SAMD12: variants seen among roughly 807,000 people sequenced by gnomAD.
The protein encoded by SAMD12 is sterile alpha motif domain-containing protein 12.
Under a neutral mutation model 15.0 loss-of-function variants are expected in SAMD12, and 9 were observed. That is an observed-to-expected ratio of 0.60 (90% confidence interval 0.36 to 1.05). The LOEUF (loss-of-function observed/expected upper bound fraction) is 1.05, where lower values mean the gene tolerates loss of function less well. Ranked by LOEUF, SAMD12 falls within the 50% of genes least tolerant of loss-of-function variation. The pLI is 0.01. For synonymous variants in SAMD12, 86 were observed against 90.1 expected, an observed-to-expected ratio of 0.96 and a Z score of 0.25; for missense variants, 230 against 234.2, an observed-to-expected ratio of 0.98 and a Z score of 0.12.
chr8:118,546,454 G>A (rs1826127695), intron 2 of SAMD12, among the ~76,000 whole-genome samples: 1 of 152,090 alleles, frequency 6.6e-6, no homozygotes, highest in Non-Finnish European at 1.5e-5. Flanking sequence ...CCCACCGGGA[G>A]GGGAGGCAAA....
rs3052764 is a variant in SAMD12, at chr8:118,256,779, TACACACACAC to T, written c.434-59057_434-59048del. Among the ~76,000 whole-genome samples the T allele has an allele frequency of 5.7e-3, 800 of 139,876 alleles. 5 individuals carry two copies. The highest frequency in any genetic ancestry group is 0.022 in the East Asian group (107 of 4,782). 91.8% of individuals were successfully genotyped at this position (139,876 alleles called of 152,430 possible). A position where few individuals can be genotyped will look rare whatever the true frequency, so the allele number is the denominator to read the frequency against. ...CTTAATGTAATATATCTGCATAAGATACACACACACACACACACACACACACACACACACA... is the reference window on the plus strand; with the variant it reads ...CTTAATGTAATATATCTGCATAAGATACACACACACACACACACACACACA... On this transcript the variant is annotated intron_variant, in intron 4 of 4. Transcript: ENST00000409003.
At chr8:118,414,016 C>T (rs1222246369) in intron 3 of SAMD12, among the ~76,000 whole-genome samples, 1 of 152,130 alleles carries the variant, frequency 6.6e-6, no homozygotes, top group Non-Finnish European at 1.5e-5. Context: ...CAATTGCTGT[C>T]AGGCTTGACT....
At chr8:118,412,422 T>C (rs1465252332) in intron 3 of SAMD12, among the ~76,000 whole-genome samples, 1 of 152,184 alleles carries the variant, frequency 6.6e-6, no homozygotes, top group Non-Finnish European at 1.5e-5. Context: ...GAGCTAAGAA[T>C]AACTTATACA....
At chr8:118,551,506 C>G (rs1389761204) in intron 2 of SAMD12, among the ~76,000 whole-genome samples, 1 of 151,976 alleles carries the variant, frequency 6.6e-6, no homozygotes, top group Non-Finnish European at 1.5e-5. Flanking sequence ...ATACCAGAAT[C>G]TCTGGGACAC....
chr8:118,541,019 T>A (rs535666588), intron 2 of SAMD12, among the ~76,000 whole-genome samples: 1 of 152,286 alleles, frequency 6.6e-6, no homozygotes, highest in Non-Finnish European at 1.5e-5. Context: ...ACTGGCAGAA[T>A]TGCGTAAACC....
In SAMD12 at chr8:118,599,832, G is replaced by A. The variant is rs532541178; in HGVS notation, c.14-18939C>T. 2.0e-5 allele frequency among the ~76,000 whole-genome samples: 3 copies of A among 152,280 alleles called. No individual in the cohort carries two copies. The East Asian group carries it at 5.8e-4, about 29-fold the overall frequency. On this transcript the variant is annotated intron_variant, in intron 1 of 3. Coordinates refer to ENST00000314727, the MANE Select transcript of SAMD12 (RefSeq NM_207506.3). ...CCTGGAAAAACCTGAGGCAGGAACT[G>A]CTACAGCAATCTAGACCTCTCAAGA...
chr8:118,484,739 T>A (rs1350155737), intron 2 of SAMD12, among the ~76,000 whole-genome samples: 1 of 151,944 alleles, frequency 6.6e-6, no homozygotes, highest in Non-Finnish European at 1.5e-5. Flanking sequence ...AGCACATTTC[T>A]GTCAACTCTT....
intron 3 of SAMD12, among the ~76,000 whole-genome samples, chr8:118,433,558 T>C (rs1210980955): frequency 6.6e-6 from 1 of 152,174 alleles, no homozygotes; most frequent in Non-Finnish European, 1.5e-5. Flanking sequence ...AATTCATGTA[T>C]ATTAAAGTTA....
intron 2 of SAMD12, among the ~76,000 whole-genome samples, chr8:118,464,488 G>C (rs919731487): frequency 6.6e-6 from 1 of 152,162 alleles, no homozygotes; most frequent in Non-Finnish European, 1.5e-5. Context: ...CAACTAAAGA[G>C]AGCTATTTAT....
intron 2 of SAMD12, among the ~76,000 whole-genome samples, chr8:118,542,722 G>C (rs1826019782): frequency 6.6e-6 from 1 of 152,236 alleles, no homozygotes; most frequent in Non-Finnish European, 1.5e-5. Flanking sequence ...TAAGCTGCCT[G>C]TAAATACCAT....
At chr8:118,333,930 CTGTG>C (rs4053435) in intron 4 of SAMD12, among the ~76,000 whole-genome samples, 20 of 104,562 alleles carry the variant, frequency 1.9e-4, no homozygotes, top group East Asian at 5.6e-4. Context: ...GGGGGTATGT[CTGTG>C]TGTGTGTGTG....
chr8:118,473,610 TTC>T (rs1198650260), intron 2 of SAMD12, among the ~76,000 whole-genome samples: 3 of 152,176 alleles, frequency 2.0e-5, no homozygotes, highest in Non-Finnish European at 2.9e-5. Flanking sequence ...ACCTTTTGTG[TTC>T]TTTTTCCTCC....
At chr8:118,398,121 C>G (rs966997560) in intron 3 of SAMD12, among the ~76,000 whole-genome samples, 1 of 152,120 alleles carries the variant, frequency 6.6e-6, no homozygotes, top group African/African-American at 2.4e-5. Context: ...ATGACTATTG[C>G]CCAGGTGTGG....
At chr8:118,288,751 A>G (rs1353918207) in intron 4 of SAMD12, among the ~76,000 whole-genome samples, 2 of 152,328 alleles carry the variant, frequency 1.3e-5, no homozygotes, top group South Asian at 2.1e-4. Context: ...TTCATATACG[A>G]TTACTAACAG....
intron 2 of SAMD12, among the ~76,000 whole-genome samples, chr8:118,448,909 G>A (rs1477707530): frequency 2.0e-5 from 3 of 152,176 alleles, no homozygotes; most frequent in Non-Finnish European, 4.4e-5. Context: ...ATTAGAAATG[G>A]TTTAACTAAA....
chr8:118,227,407 C>T (rs1356196412), intron 4 of SAMD12, among the ~76,000 whole-genome samples: 1 of 152,042 alleles, frequency 6.6e-6, no homozygotes, highest in East Asian at 1.9e-4. Flanking sequence ...GAAAAAATAA[C>T]TATTGAGTAC....
intron 4 of SAMD12, among the ~76,000 whole-genome samples, chr8:118,296,570 C>G (rs1814725833): frequency 6.6e-6 from 1 of 152,250 alleles, no homozygotes; most frequent in African/African-American, 2.4e-5. Context: ...CACATATCTC[C>G]AGCACTTGGT....
At chr8:118,533,255 T>G (rs576103159) in intron 2 of SAMD12, among the ~76,000 whole-genome samples, 90 of 152,322 alleles carry the variant, frequency 5.9e-4, no homozygotes, top group Non-Finnish European at 9.3e-4. Flanking sequence ...CGGTTTTGAG[T>G]GAGTTTCTTA....
At chr8:118,160,379 T>C in the SAMD12 span, among the ~76,000 whole-genome samples, 1 of 152,208 alleles carries the variant, frequency 6.6e-6, no homozygotes, top group Non-Finnish European at 1.5e-5. Flanking sequence ...ACAATGGACC[T>C]ATATTAGCCA....
Sources: gnomAD v4.1 joint callset for allele counts (sites outside exome capture counted in the v4.1 genomes callset) on GRCh38, gnomAD v4.1.1 for gene constraint, MANE v1.5 for transcripts, NCBI Gene and HGNC (gene_info 2026-07-23, HGNC 2026-07-21) for gene names.